Variants in CDK14 observed in about 807,000 individuals in gnomAD.
The protein encoded by CDK14 is cyclin dependent kinase 14, also known as cyclin-dependent kinase 14.
In CDK14, 34 loss-of-function variants were observed where a neutral mutation model predicts 60.7. That is an observed-to-expected ratio of 0.56 (90% CI 0.43 to 0.75). The LOEUF (loss-of-function observed/expected upper bound fraction) is 0.75. Among genes scored for constraint, CDK14 ranks in the 30% least tolerant of loss-of-function variants. The pLI is 0.00. For synonymous variants in CDK14, 197 were observed against 203.7 expected (o/e 0.97, Z 0.28); for missense variants, 482 against 564.1 (o/e 0.85, Z 1.47).
chr7:90,790,733 T>C, intron 5 of CDK14, 81 bp downstream of exon 5: 1 of 817,114 alleles, frequency 1.2e-6, no homozygotes, highest in South Asian at 1.7e-5. Flanking sequence ...CCTCTGAATA[T>C]GCTGAGTTTT....
intron 11 of CDK14, among the ~76,000 whole-genome samples, chr7:91,071,992 G>A (rs186144648): frequency 4.9e-4 from 74 of 152,298 alleles, no homozygotes; most frequent in African/African-American, 1.7e-3. Flanking sequence ...TCCAGGCAGG[G>A]GCTCAGGGGC....
intron 6 of CDK14, among the ~76,000 whole-genome samples, chr7:90,869,914 G>A (rs1791309859): frequency 1.3e-5 from 2 of 152,162 alleles, no homozygotes; most frequent in South Asian, 4.1e-4. Context: ...TGCCAAAATG[G>A]GAACATCCTA....
intron 4 of CDK14, among the ~76,000 whole-genome samples, chr7:90,775,879 T>C (rs995686208): frequency 5.3e-5 from 8 of 151,544 alleles, no homozygotes; most frequent in African/African-American, 1.9e-4. Context: ...TAGTTTTCAG[T>C]GTATGTGGGT....
chr7:91,090,109 T>C (rs972466747), intron 12 of CDK14, among the ~76,000 whole-genome samples: 1 of 152,178 alleles, frequency 6.6e-6, no homozygotes. Flanking sequence ...AGAGTAGACG[T>C]TGGGCTTAAA....
chr7:91,033,118 G>A (rs1362153510), intron 10 of CDK14, among the ~76,000 whole-genome samples: 4 of 152,164 alleles, frequency 2.6e-5, no homozygotes, highest in Admixed American at 6.5e-5. Flanking sequence ...TGAAGTAAAA[G>A]CATCGTGGAT....
intron 7 of CDK14, among the ~76,000 whole-genome samples, chr7:90,916,462 T>A (rs1793086277): frequency 6.6e-6 from 1 of 152,206 alleles, no homozygotes; most frequent in Non-Finnish European, 1.5e-5. Flanking sequence ...TTTCAAGGTA[T>A]CCCCTGTAAT....
intron 8 of CDK14, among the ~76,000 whole-genome samples, chr7:90,932,550 T>C (rs1045446814): frequency 1.3e-5 from 2 of 152,158 alleles, no homozygotes; most frequent in African/African-American, 2.4e-5. Context: ...AAATCTGCCA[T>C]TACATCTCCC....
intron 14 of CDK14, among the ~76,000 whole-genome samples, chr7:91,181,866 C>T (rs913616519): frequency 3.9e-5 from 6 of 152,090 alleles, no homozygotes; most frequent in African/African-American, 1.4e-4. Flanking sequence ...CTGCTCCAGA[C>T]ATGGAATCAG....
intron 8 of CDK14, among the ~76,000 whole-genome samples, chr7:90,922,941 C>A (rs972868022): frequency 4.6e-5 from 7 of 152,022 alleles, no homozygotes. Flanking sequence ...CAGCCTCCCC[C>A]ACTATTAACA....
At chr7:91,057,687 G>A (rs537598330) in intron 11 of CDK14, among the ~76,000 whole-genome samples, 2 of 152,010 alleles carry the variant, frequency 1.3e-5, no homozygotes, top group Non-Finnish European at 2.9e-5. Flanking sequence ...TCTTCTTTTT[G>A]TCAGGTTTGT....
chr7:91,135,408 C>CT (rs2115570874), intron 14 of CDK14, among the ~76,000 whole-genome samples: 1 of 152,234 alleles, frequency 6.6e-6, no homozygotes, highest in Admixed American at 6.5e-5. Flanking sequence ...AGGCATCTGA[C>CT]TGTCAGAGCT....
At chr7:90,659,914 C>T (rs1401359238) in intron 2 of CDK14, among the ~76,000 whole-genome samples, 2 of 148,964 alleles carry the variant, frequency 1.3e-5, no homozygotes, top group Non-Finnish European at 1.5e-5. Context: ...CGCACGTGCT[C>T]ATGGGTGCAG....
intron 11 of CDK14, among the ~76,000 whole-genome samples, chr7:91,047,524 T>A (rs1269025756): frequency 6.6e-6 from 1 of 152,224 alleles, no homozygotes; most frequent in Non-Finnish European, 1.5e-5. Flanking sequence ...TAAATGTGTG[T>A]TGCACTTGAT....
At chr7:90,711,899 T>TTTTTTAA (rs1802077044) in intron 2 of CDK14, among the ~76,000 whole-genome samples, 1 of 151,218 alleles carries the variant, frequency 6.6e-6, no homozygotes. Context: ...TTTTTTTTTT[T>TTTTTTAA]TTCAATTGAG....
intron 2 of CDK14, among the ~76,000 whole-genome samples, chr7:90,619,583 G>A (rs1799725522): frequency 6.6e-6 from 1 of 152,050 alleles, no homozygotes; most frequent in Non-Finnish European, 1.5e-5. Context: ...AATAACCAAG[G>A]TCTTCAGGTA....
At chr7:90,731,744 A>G (rs1008200029) in intron 3 of CDK14, among the ~76,000 whole-genome samples, 2 of 152,212 alleles carry the variant, frequency 1.3e-5, no homozygotes, top group African/African-American at 2.4e-5. Flanking sequence ...TTTTGGGCTG[A>G]GATGATGGGG....
chr7:90,672,792 A>G (rs1158962761), intron 2 of CDK14, among the ~76,000 whole-genome samples: 4 of 151,932 alleles, frequency 2.6e-5, no homozygotes, highest in Non-Finnish European at 5.9e-5. Flanking sequence ...TGCTGGGATT[A>G]CAGGCCTGAG....
chr7:90,853,605 C>T (rs148082819), intron 5 of CDK14, among the ~76,000 whole-genome samples: 1 of 152,216 alleles, frequency 6.6e-6, no homozygotes, highest in East Asian at 1.9e-4. Context: ...GATTTTTAAA[C>T]TTTAGGATGT....
intron 5 of CDK14, among the ~76,000 whole-genome samples, chr7:90,811,951 A>T (rs188326298): frequency 0.031 from 4,738 of 152,298 alleles, 104 homozygotes; most frequent in South Asian, 0.098. Context: ...TGCGATCATT[A>T]AAAAGTCAGG....
Sources: gnomAD v4.1 joint callset for allele counts (sites outside exome capture counted in the v4.1 genomes callset) on GRCh38, gnomAD v4.1.1 for gene constraint, MANE v1.5 for transcripts, NCBI Gene and HGNC (gene_info 2026-07-23, HGNC 2026-07-21) for gene names.